The following SARDH variants were observed in gnomAD, a reference collection of about 807,000 sequenced individuals.
SARDH encodes the protein sarcosine dehydrogenase, also known as sarcosine dehydrogenase, mitochondrial.
SARDH carries 95 observed loss-of-function variants against 109.1 expected under a neutral mutation model. The ratio of observed to expected loss-of-function variants is 0.87; its 90% CI spans 0.74 to 1.03. The LOEUF (loss-of-function observed/expected upper bound fraction) is 1.03, where lower values mean the gene tolerates loss of function less well. Among genes scored for constraint, SARDH ranks in the 50% least tolerant of loss-of-function variants. The probability of loss-of-function intolerance (pLI) is 0.00; values close to 1 mark genes in which losing one functional copy is unlikely to be tolerated. For synonymous variants in SARDH, 572 were observed against 534.8 expected (o/e 1.07, Z -0.96); for missense variants, 1,267 against 1,287.8 (o/e 0.98, Z 0.25).
intron 14 of SARDH, among the ~76,000 whole-genome samples, chr9:133,695,905 G>A (rs1441824117): frequency 6.6e-6 from 1 of 152,182 alleles, no homozygotes; most frequent in African/African-American, 2.4e-5. Context: ...AGAGCATGGG[G>A]GGGACTGGGC....
chr9:133,730,304 AGC>A, intron 4 of SARDH, 117 bp from the exon 5 acceptor site: 1 of 1,372,906 alleles, frequency 7.3e-7, no homozygotes, highest in Non-Finnish European at 9.9e-7. Flanking sequence ...TTCTGCCAGC[AGC>A]AGGTCCCCTG....
At chr9:133,711,938 G>A (rs60013235) in intron 10 of SARDH, among the ~76,000 whole-genome samples, 5,870 of 152,276 alleles carry the variant, frequency 0.039, 139 homozygotes, top group East Asian at 0.091. Context: ...GCCGGGGAGC[G>A]CCTGCACCAC....
intron 17 of SARDH, among the ~76,000 whole-genome samples, chr9:133,684,510 A>G (rs1470308897): frequency 6.6e-6 from 1 of 152,212 alleles, no homozygotes; most frequent in East Asian, 1.9e-4. Context: ...GTTTTCCAAC[A>G]AGGAAACAAA....
At chr9:133,673,813 T>C (rs1451900888) in intron 17 of SARDH, among the ~76,000 whole-genome samples, 1 of 152,176 alleles carries the variant, frequency 6.6e-6, no homozygotes, top group Admixed American at 6.5e-5. Flanking sequence ...AGTGCACCTA[T>C]GCACGGCCCT....
rs1005854368 is a variant in SARDH, at chr9:133,692,450, G to A, written c.1921+1808C>T. On this transcript the variant is annotated intron_variant, in intron 15 of 20. Transcript: ENST00000439388. This position sits in a 1 kb window ranked among gnomAD's most constrained non-coding sequence, Gnocchi z 5.0. Reference sequence around the variant, plus strand: ...GCTGAATGACCCAGAGACGACCAGCGATGGGCAGGTCACACTGGTTCTCAC... The same window carrying A: ...GCTGAATGACCCAGAGACGACCAGCAATGGGCAGGTCACACTGGTTCTCAC... 1.3e-5 allele frequency among the ~76,000 whole-genome samples: 2 copies of A among 152,074 alleles called. No homozygotes were observed. The highest frequency in any genetic ancestry group is 1.9e-4 in the East Asian group (1 of 5,186).
intron 4 of SARDH, 85 bp downstream of exon 4, chr9:133,731,220 G>C: frequency 9.2e-6 from 14 of 1,522,450 alleles, no homozygotes; most frequent in Non-Finnish European, 1.2e-5. Flanking sequence ...AATGGCTCTT[G>C]TTCTCTTCCC....
chr9:133,702,747 C>T (rs988383131), intron 13 of SARDH, among the ~76,000 whole-genome samples, 169 bp downstream of exon 13: 2 of 152,254 alleles, frequency 1.3e-5, no homozygotes, highest in East Asian at 1.9e-4. Context: ...GAGAGGAAAA[C>T]GCATGATTCC....
intron 17 of SARDH, among the ~76,000 whole-genome samples, chr9:133,683,620 G>T (rs542201045): frequency 6.6e-6 from 1 of 152,118 alleles, no homozygotes; most frequent in Admixed American, 6.5e-5. Flanking sequence ...AGACACAGCC[G>T]GCCCTGCTTC....
At chr9:133,707,914 C>T (rs1249289041) in intron 11 of SARDH, among the ~76,000 whole-genome samples, 3 of 152,112 alleles carry the variant, frequency 2.0e-5, no homozygotes, top group African/African-American at 4.8e-5. Flanking sequence ...CAATGTACGC[C>T]GTGTTCTGGC....
At chr9:133,707,771 G>A (rs562862544) in intron 11 of SARDH, among the ~76,000 whole-genome samples, 5 of 152,156 alleles carry the variant, frequency 3.3e-5, no homozygotes, top group Admixed American at 1.3e-4. Flanking sequence ...TTTGTCTTTG[G>A]GGGACCAGGG....
At chr9:133,694,506 C>T (rs1198579530) in intron 14 of SARDH, 135 bp from the exon 15 acceptor site, 2 of 755,110 alleles carry the variant, frequency 2.6e-6, no homozygotes, top group Non-Finnish European at 4.5e-6. Context: ...GGATGCCCTA[C>T]TGGGAGGTGA....
rs983860702 is a variant in SARDH, at chr9:133,734,246, G to A, written c.-30-43C>T. The A allele has an allele frequency of 5.5e-5, 75 of 1,353,276 alleles. No individual in the cohort carries two copies. The South Asian group carries it at 9.0e-4, about 16-fold the overall frequency. 83.8% of individuals were successfully genotyped at this position (1,353,276 alleles called of 1,614,324 possible). On this transcript the variant is annotated intron_variant, in intron 1 of 20. Coordinates refer to ENST00000439388, the MANE Select transcript of SARDH (RefSeq NM_001134707.2). ...GCTGGGTGGGGTGCAGAGGGGACACGCTGGGGGCTGTGCTGAGTACCCAGG... is the reference window on the plus strand; with the variant it reads ...GCTGGGTGGGGTGCAGAGGGGACACACTGGGGGCTGTGCTGAGTACCCAGG...
At chr9:133,671,726 G>T in intron 17 of SARDH, 29 bp from the exon 18 acceptor site, 1 of 1,544,350 alleles carries the variant, frequency 6.5e-7, no homozygotes, top group South Asian at 1.2e-5. Flanking sequence ...GCTTAGATGT[G>T]GCCATGTAAG....
intron 13 of SARDH, among the ~76,000 whole-genome samples, chr9:133,701,174 T>C (rs1831470426): frequency 1.3e-5 from 2 of 152,238 alleles, no homozygotes; most frequent in Admixed American, 1.3e-4. Flanking sequence ...CAGTGATGCC[T>C]CATTGGCGGA....
At position 133,703,491 on chromosome 9, in the gene SARDH, G is replaced by A. The variant is rs563231724; in HGVS notation, c.1555-462C>T. 265 of 176,254 alleles carry A rather than the reference G, an allele frequency of 1.5e-3. 3 individuals are homozygous for A. Among genetic ancestry groups the A allele is most frequent in the African/African-American group, 5.8e-3 (250 of 42,902 alleles). The allele number at this position is 176,254 out of a possible 1,614,324, so 10.9% of individuals were successfully genotyped here. A position where few individuals can be genotyped will look rare whatever the true frequency, so the allele number is the denominator to read the frequency against. On this transcript the variant is annotated intron_variant, in intron 12 of 20. Coordinates refer to ENST00000439388, the MANE Select transcript of SARDH (RefSeq NM_001134707.2). ...GCAGAGAAGTTATATCTCGCCCAAG[G>A]GCACAGACAAGTCCTGGACCTGGCA...
chr9:133,714,310 G>A (rs887438301), intron 8 of SARDH, among the ~76,000 whole-genome samples: 7 of 152,188 alleles, frequency 4.6e-5, no homozygotes, highest in Admixed American at 3.3e-4. Flanking sequence ...GAGAGGCAGG[G>A]CTCCTTGAGG....
intron 20 of SARDH, among the ~76,000 whole-genome samples, chr9:133,665,711 C>T (rs1429417351): frequency 1.3e-5 from 2 of 152,238 alleles, no homozygotes; most frequent in Non-Finnish European, 1.5e-5. Flanking sequence ...CTGGCGGTGT[C>T]CCCTCCCCAT....
chr9:133,669,893 G>A (rs1411490217), intron 19 of SARDH, among the ~76,000 whole-genome samples: 4 of 152,256 alleles, frequency 2.6e-5, no homozygotes, highest in Admixed American at 2.0e-4. Flanking sequence ...CCTCGGCCTA[G>A]ACCTGCCACA....
chr9:133,670,467 G>A (rs576244681), intron 19 of SARDH, 117 bp downstream of exon 19: 64 of 1,160,506 alleles, frequency 5.5e-5, no homozygotes, highest in East Asian at 2.1e-4. Context: ...GGAAGAGCAT[G>A]GCTGGCACAT....
Sources: gnomAD v4.1 joint callset for allele counts (sites outside exome capture counted in the v4.1 genomes callset) on GRCh38, gnomAD v4.1.1 for gene constraint, Gnocchi (gnomAD v3.1) non-coding constraint, MANE v1.5 for transcripts, NCBI Gene and HGNC (gene_info 2026-07-23, HGNC 2026-07-21) for gene names.